The following USH2A variants were observed in gnomAD, a reference collection of about 807,000 sequenced individuals.
USH2A encodes the protein usherin, also known as Usher syndrome 2A (autosomal recessive, mild).
USH2A carries 443 observed loss-of-function variants against 538.9 expected under a neutral mutation model. The observed-to-expected ratio is 0.82, with a 90% confidence interval of 0.76 to 0.89. USH2A has a LOEUF of 0.89. Among genes scored for constraint, USH2A ranks in the 40% least tolerant of loss-of-function variants. The probability of loss-of-function intolerance (pLI) is 0.00; values close to 1 mark genes in which losing one functional copy is unlikely to be tolerated. For missense variants in USH2A, 6,633 were observed against 6,324.8 expected (o/e 1.05, Z -1.65); for synonymous variants, 2,413 against 2,273.5 (o/e 1.06, Z -1.75).
chr1:215,747,795 A>G (rs1039686306), intron 58 of USH2A, among the ~76,000 whole-genome samples: 10 of 151,874 alleles, frequency 6.6e-5, no homozygotes, highest in African/African-American at 1.7e-4. Context: ...ATTTCTCCCT[A>G]TTGTTACCCT....
At chr1:216,239,437 A>G (rs911205785) in intron 13 of USH2A, among the ~76,000 whole-genome samples, 13 of 152,194 alleles carry the variant, frequency 8.5e-5, no homozygotes, top group Non-Finnish European at 1.8e-4. Context: ...GAGCACTGCT[A>G]TGGAGGTACT....
intron 32 of USH2A, among the ~76,000 whole-genome samples, chr1:216,010,131 A>C (rs1014395452): frequency 6.6e-6 from 1 of 152,178 alleles, no homozygotes; most frequent in Admixed American, 6.5e-5. Flanking sequence ...CCTCGCCTTC[A>C]AGGTGTACAA....
At chr1:215,755,252 T>C (rs573984715) in intron 58 of USH2A, among the ~76,000 whole-genome samples, 1 of 152,326 alleles carries the variant, frequency 6.6e-6, no homozygotes, top group African/African-American at 2.4e-5. Context: ...GTGATTCTAA[T>C]GCTCATTCAG....
At chr1:216,212,086 G>C (rs1490311804) in intron 15 of USH2A, among the ~76,000 whole-genome samples, 1 of 152,090 alleles carries the variant, frequency 6.6e-6, no homozygotes, top group Non-Finnish European at 1.5e-5. Flanking sequence ...ATGCTTTGGG[G>C]ATGAATGAAA....
intron 32 of USH2A, among the ~76,000 whole-genome samples, chr1:216,041,258 A>G (rs1163230368): frequency 6.6e-6 from 1 of 152,058 alleles, no homozygotes; most frequent in Non-Finnish European, 1.5e-5. Flanking sequence ...GAACTGACCC[A>G]CCATACTACT....
intron 9 of USH2A, among the ~76,000 whole-genome samples, chr1:216,300,364 T>C (rs948486382): frequency 2.0e-5 from 3 of 152,222 alleles, no homozygotes; most frequent in Non-Finnish European, 2.9e-5. Flanking sequence ...TCCCCCGATA[T>C]GTCCCTGAAT....
chr1:215,886,575 A>G (rs1665062895), intron 41 of USH2A: 1 of 152,200 alleles, frequency 6.6e-6, no homozygotes, highest in African/African-American at 2.4e-5. Flanking sequence ...ATGTTCATAT[A>G]TTTCAGACAC....
At chr1:215,642,413 C>A (rs545485227) in intron 67 of USH2A, among the ~76,000 whole-genome samples, 1 of 152,136 alleles carries the variant, frequency 6.6e-6, no homozygotes, top group African/African-American at 2.4e-5. Flanking sequence ...TTGTTATCAT[C>A]GGTACACATT....
rs1039613516 is a variant in USH2A, at chr1:216,394,410, T to C, written c.651+24104A>G. 3.9e-5 allele frequency among the ~76,000 whole-genome samples: 6 copies of C among 152,260 alleles called. No homozygotes were observed. In the South Asian group the frequency reaches 8.3e-4, roughly 21 times the overall value. ...ACTATAAAAGAGTAGCACAAAGGAA[T>C]ATTCTGAAGTTATAGAACTCTTCTG... On this transcript the variant is annotated intron_variant, in intron 3 of 71. Transcript: ENST00000307340.
At chr1:215,920,567 C>A (rs570306181) in intron 38 of USH2A, among the ~76,000 whole-genome samples, 2 of 151,984 alleles carry the variant, frequency 1.3e-5, no homozygotes, top group African/African-American at 4.8e-5. Context: ...CTTGTCTAAA[C>A]CCATTGAGGA....
intron 30 of USH2A, 26 bp from the exon 31 acceptor site, chr1:216,048,673 G>C: frequency 6.3e-7 from 1 of 1,585,136 alleles, no homozygotes; most frequent in Non-Finnish European, 8.7e-7. Flanking sequence ...ACAAAAGAGG[G>C]TTGCGTGTTT....
chr1:215,744,246 T>C (rs1660400318), intron 58 of USH2A, among the ~76,000 whole-genome samples: 2 of 152,358 alleles, frequency 1.3e-5, no homozygotes, highest in East Asian at 1.9e-4. Flanking sequence ...CAGTTCACTG[T>C]CAGTGAGACT....
At chr1:216,123,589 G>C (rs17648224) in intron 21 of USH2A, among the ~76,000 whole-genome samples, 53,183 of 151,354 alleles carry the variant, frequency 0.35, 10,242 homozygotes, top group East Asian at 0.73. Flanking sequence ...CCTTTTTTTC[G>C]CATTATTGTA....
intron 3 of USH2A, among the ~76,000 whole-genome samples, chr1:216,377,783 GAAAGAAAGAGAAGGAAAGAAATAA>G (rs1239944236): frequency 0.022 from 629 of 28,582 alleles, 1 homozygote; most frequent in East Asian, 0.069. Context: ...GAAATAAAAA[GAAAGAAAGAGAAGGAAAGAAATAA>G]AAAGAAAGAA....
intron 4 of USH2A, among the ~76,000 whole-genome samples, chr1:216,346,022 C>T (rs1337715448): frequency 6.6e-6 from 1 of 152,104 alleles, no homozygotes; most frequent in Non-Finnish European, 1.5e-5. Flanking sequence ...GTTCAGGGTT[C>T]AATTCCCAGC....
chr1:216,245,922 A>G (rs2036033751), intron 13 of USH2A, among the ~76,000 whole-genome samples: 2 of 152,224 alleles, frequency 1.3e-5, no homozygotes, highest in Non-Finnish European at 2.9e-5. Flanking sequence ...AACAACGGAT[A>G]AGTACTTATA....
intron 61 of USH2A, among the ~76,000 whole-genome samples, chr1:215,703,407 A>T (rs1415859619): frequency 6.6e-6 from 1 of 152,102 alleles, no homozygotes; most frequent in Non-Finnish European, 1.5e-5. Context: ...CTGAAGTTGC[A>T]CCCACAGCCA....
chr1:216,240,107 G>A (rs750377377), intron 13 of USH2A, among the ~76,000 whole-genome samples: 42 of 150,992 alleles, frequency 2.8e-4, no homozygotes, highest in Admixed American at 7.3e-4. Flanking sequence ...TGGAGAGCCC[G>A]ACAATAAGCT....
At chr1:215,913,529 T>G (rs1028622126) in intron 38 of USH2A, among the ~76,000 whole-genome samples, 17 of 152,050 alleles carry the variant, frequency 1.1e-4, no homozygotes, top group South Asian at 4.1e-4. Context: ...ACACTGGTCT[T>G]GTAGGACAGA....
Sources: allele counts gnomAD v4.1 joint callset (sites outside exome capture counted in the v4.1 genomes callset), GRCh38; gene constraint gnomAD v4.1.1; transcripts MANE v1.5; gene names NCBI Gene and HGNC (gene_info 2026-07-23, HGNC 2026-07-21).